NCKAP5: variants seen among roughly 807,000 people sequenced by gnomAD.
NCKAP5 encodes the protein NCK associated protein 5.
NCKAP5 carries 92 observed loss-of-function variants against 167.0 expected under a neutral mutation model. That is an observed-to-expected ratio of 0.55 (90% CI 0.47 to 0.66). NCKAP5 has a LOEUF of 0.66. Ranked by LOEUF, NCKAP5 falls within the 30% of genes least tolerant of loss-of-function variation. NCKAP5 has a pLI of 0.00. For missense variants in NCKAP5, 2,378 were observed against 2,315.0 expected, an observed-to-expected ratio of 1.03 and a Z score of -0.56; for synonymous variants, 891 against 877.4, an observed-to-expected ratio of 1.02 and a Z score of -0.27.
intron 9 of NCKAP5, among the ~76,000 whole-genome samples, chr2:132,872,790 T>A (rs1690929534): frequency 6.6e-6 from 1 of 152,206 alleles, no homozygotes; most frequent in Admixed American, 6.5e-5. Flanking sequence ...ATGCTTCTGA[T>A]CTTGGTTGAT....
At position 132,773,838 on chromosome 2, in the gene NCKAP5, A is replaced by G. The variant is rs566445812; in HGVS notation, c.5106T>C (p.Ser1702=). The change falls in exon 16 of 20, where the codon TCT becomes TCC. Residue 1702 remains serine, a synonymous_variant. Coordinates refer to ENST00000409261, the MANE Select transcript of NCKAP5 (RefSeq NM_207363.3). ...QEDEDDAVAD[S]VFQSHIIESN... is the part of the protein sequence containing the mutation. The stretch of plus-strand genomic sequence containing the variant: ...TACCTATGATGTGGCTCTGAAATAC[A>G]GAATCTGCAACTGCATCGTCTTCAT... The G allele has an allele frequency of 2.2e-5, 36 of 1,611,558 alleles. No individual in the cohort carries two copies. In the South Asian group the frequency reaches 3.7e-4, roughly 16 times the overall value.
chr2:133,370,165 G>A (rs563215809), intron 3 of NCKAP5, among the ~76,000 whole-genome samples: 1 of 152,308 alleles, frequency 6.6e-6, no homozygotes, highest in Admixed American at 6.5e-5. Context: ...ACAAGAAAGA[G>A]CCATTTAGCA....
intron 3 of NCKAP5, among the ~76,000 whole-genome samples, chr2:133,319,140 G>A (rs958212074): frequency 2.0e-5 from 3 of 146,422 alleles, no homozygotes; most frequent in Admixed American, 6.7e-5. Flanking sequence ...AGGTGTGTGA[G>A]CCACCCCTCC....
At chr2:133,099,673 C>A (rs780437166) in intron 6 of NCKAP5, among the ~76,000 whole-genome samples, 1 of 152,120 alleles carries the variant, frequency 6.6e-6, no homozygotes, top group Non-Finnish European at 1.5e-5. Flanking sequence ...CTCAAAAAAA[C>A]CCTTTTCAGG....
rs987258390 is a variant in NCKAP5 at position 133,140,637 on chromosome 2, C to T, written c.208-10526G>A. On this transcript the variant is annotated intron_variant, in intron 5 of 19. Transcript: ENST00000409261. ...CCCGCCTAATTTATGGTTTATAAAA[C>T]ATACTTGTGCTCTTGCTTTATAACT... 7.9e-5 allele frequency among the ~76,000 whole-genome samples: 12 copies of T among 152,004 alleles called. No individual in the cohort carries two copies. In the South Asian group the frequency reaches 8.3e-4, roughly 10 times the overall value.
chr2:133,237,520 A>T (rs112885017), intron 4 of NCKAP5, among the ~76,000 whole-genome samples: 230 of 152,322 alleles, frequency 1.5e-3, no homozygotes, highest in African/African-American at 5.3e-3. Context: ...TTAATTCCAC[A>T]CACACTTATT....
At chr2:133,145,961 A>G (rs980216260) in intron 5 of NCKAP5, among the ~76,000 whole-genome samples, 5 of 152,136 alleles carry the variant, frequency 3.3e-5, no homozygotes, top group African/African-American at 1.2e-4. Context: ...TTAGACAGCC[A>G]TTGAATCTTA....
intron 3 of NCKAP5, among the ~76,000 whole-genome samples, chr2:133,508,232 G>A (rs1274941024): frequency 2.6e-5 from 4 of 152,104 alleles, no homozygotes; most frequent in Non-Finnish European, 4.4e-5. Context: ...TAGACACTGT[G>A]GCTTTCTCAA....
intron 3 of NCKAP5, among the ~76,000 whole-genome samples, chr2:133,310,559 G>A (rs1202354622): frequency 6.6e-6 from 1 of 152,148 alleles, no homozygotes; most frequent in Non-Finnish European, 1.5e-5. Context: ...GTGTCTCCCC[G>A]TATTCCATCA....
chr2:132,824,351 T>C (rs1686974408), intron 11 of NCKAP5, among the ~76,000 whole-genome samples: 1 of 152,160 alleles, frequency 6.6e-6, no homozygotes. Context: ...CATCCTGGCA[T>C]TGCTTCCACC....
At chr2:133,553,929 C>G (rs931272998) in intron 2 of NCKAP5, among the ~76,000 whole-genome samples, 3 of 152,182 alleles carry the variant, frequency 2.0e-5, no homozygotes, top group Non-Finnish European at 2.9e-5. Flanking sequence ...CAGAGCTTAG[C>G]TGGAACCTCT....
chr2:133,092,457 T>C (rs1006261002), intron 6 of NCKAP5, among the ~76,000 whole-genome samples: 1 of 152,186 alleles, frequency 6.6e-6, no homozygotes, highest in African/African-American at 2.4e-5. Flanking sequence ...ATTGAAGCCA[T>C]CTAGCCTCCA....
chr2:133,327,511 T>G (rs2150705669), intron 3 of NCKAP5, among the ~76,000 whole-genome samples: 1 of 152,320 alleles, frequency 6.6e-6, no homozygotes, highest in Middle Eastern at 3.4e-3. Context: ...TTCTGCAGGT[T>G]GTAGCCTTAA....
intron 3 of NCKAP5, among the ~76,000 whole-genome samples, chr2:133,307,975 A>T (rs1449243960): frequency 6.6e-6 from 1 of 151,838 alleles, no homozygotes; most frequent in Non-Finnish European, 1.5e-5. Flanking sequence ...TACATTATCT[A>T]TTTTTGTGAT....
intron 8 of NCKAP5, among the ~76,000 whole-genome samples, chr2:132,956,862 A>T (rs146454497): frequency 1.3e-5 from 2 of 152,224 alleles, no homozygotes; most frequent in African/African-American, 4.8e-5. Flanking sequence ...AGGCTGCTAC[A>T]ACACTTCACC....
intron 6 of NCKAP5, among the ~76,000 whole-genome samples, chr2:133,061,939 AT>A (rs1210076565): frequency 6.6e-6 from 1 of 151,712 alleles, no homozygotes; most frequent in African/African-American, 2.4e-5. Flanking sequence ...ACATGCCCAC[AT>A]TTTTTTTGGT....
At chr2:132,972,649 C>G (rs1228603751) in intron 7 of NCKAP5, among the ~76,000 whole-genome samples, 1 of 151,900 alleles carries the variant, frequency 6.6e-6, no homozygotes, top group Non-Finnish European at 1.5e-5. Context: ...ATCATGAGGT[C>G]AAGAGATCGA....
At chr2:133,202,732 G>A (rs2085756072) in intron 5 of NCKAP5, among the ~76,000 whole-genome samples, 1 of 152,040 alleles carries the variant, frequency 6.6e-6, no homozygotes, top group Non-Finnish European at 1.5e-5. Context: ...GAGCAAAGGA[G>A]ATCAACAAAC....
chr2:132,856,456 C>G (rs966394123), intron 11 of NCKAP5, among the ~76,000 whole-genome samples: 11 of 152,224 alleles, frequency 7.2e-5, no homozygotes, highest in Middle Eastern at 3.4e-3. Flanking sequence ...ATTTTTGCAC[C>G]TTGGTTCTAA....
Sources: gnomAD v4.1 joint callset for allele counts (sites outside exome capture counted in the v4.1 genomes callset) on GRCh38, gnomAD v4.1.1 for gene constraint, MANE v1.5 for transcripts, NCBI Gene and HGNC (gene_info 2026-07-23, HGNC 2026-07-21) for gene names.